GABRB3: variants seen among roughly 807,000 people sequenced by gnomAD.
GABRB3 encodes the protein gamma-aminobutyric acid receptor subunit beta-3.
GABRB3 carries 14 observed loss-of-function variants against 52.1 expected under a neutral mutation model. The observed-to-expected ratio is 0.27, with a 90% CI of 0.18 to 0.42. The LOEUF is 0.42. GABRB3 is among the 10% of genes least tolerant of loss of function. The probability of loss-of-function intolerance (pLI) is 1.00; values close to 1 mark genes in which losing one functional copy is unlikely to be tolerated. For synonymous variants in GABRB3, 260 were observed against 232.3 expected, an observed-to-expected ratio of 1.12 and a Z score of -1.08; for missense variants, 307 against 609.1, an observed-to-expected ratio of 0.50 and a Z score of 5.22.
intron 5 of GABRB3, chr15:26,580,658 T>C: frequency 4.1e-6 from 3 of 730,232 alleles, no homozygotes; most frequent in Non-Finnish European, 6.9e-6. Flanking sequence ...TTGTACCAGG[T>C]TGGTACTGAA....
At chr15:26,589,205 C>G (rs1220666682) in intron 4 of GABRB3, among the ~76,000 whole-genome samples, 1 of 152,210 alleles carries the variant, frequency 6.6e-6, no homozygotes, top group Non-Finnish European at 1.5e-5. Flanking sequence ...ATAATAAGGG[C>G]AGATGCAAAC....
At chr15:26,736,974 G>C (rs1015776954) in intron 3 of GABRB3, among the ~76,000 whole-genome samples, 2 of 152,214 alleles carry the variant, frequency 1.3e-5, no homozygotes, top group Non-Finnish European at 2.9e-5. Flanking sequence ...GCAAAGCACA[G>C]CCTTGTCCTT....
At chr15:26,686,462 T>C (rs1167628057) in intron 3 of GABRB3, among the ~76,000 whole-genome samples, 2 of 152,186 alleles carry the variant, frequency 1.3e-5, no homozygotes, top group Non-Finnish European at 2.9e-5. Flanking sequence ...TACTGATAAA[T>C]AACAGTATGA....
chr15:26,597,145 C>CTTAAAAAA (rs1202786027), intron 4 of GABRB3, among the ~76,000 whole-genome samples: 3 of 152,186 alleles, frequency 2.0e-5, no homozygotes, highest in Non-Finnish European at 4.4e-5. Flanking sequence ...GGCCCCACCT[C>CTTAAAAAA]TCCATGCTGC....
chr15:26,650,636 C>T (rs1887167490), intron 3 of GABRB3, among the ~76,000 whole-genome samples: 2 of 151,932 alleles, frequency 1.3e-5, no homozygotes, highest in Admixed American at 1.3e-4. Context: ...TGAGAACTTG[C>T]CTTCCTTCTG....
chr15:26,677,416 T>C (rs181879965), intron 3 of GABRB3, among the ~76,000 whole-genome samples: 1 of 152,312 alleles, frequency 6.6e-6, no homozygotes, highest in Admixed American at 6.5e-5. Flanking sequence ...TCACAGCCTT[T>C]CCTAAAAGCT....
intron 3 of GABRB3, among the ~76,000 whole-genome samples, chr15:26,681,474 C>T (rs1015032453): frequency 5.3e-5 from 8 of 152,180 alleles, no homozygotes; most frequent in Non-Finnish European, 2.9e-5. Flanking sequence ...TATGCAAAGT[C>T]AGAGCACCCA....
chr15:26,674,861 A>G (rs768448164), intron 3 of GABRB3, among the ~76,000 whole-genome samples: 2 of 152,238 alleles, frequency 1.3e-5, no homozygotes, highest in Non-Finnish European at 2.9e-5. Flanking sequence ...TACAGGATCA[A>G]CAGGACACTC....
intron 3 of GABRB3, among the ~76,000 whole-genome samples, chr15:26,637,325 C>CCCGCA (rs543737038): frequency 1.2e-3 from 185 of 152,278 alleles, no homozygotes; most frequent in Non-Finnish European, 1.9e-3. Context: ...ACAGTGGCAA[C>CCCGCA]CCGCACCCTC....
chr15:26,710,997 T>C (rs1230830489), intron 3 of GABRB3, among the ~76,000 whole-genome samples: 1 of 152,138 alleles, frequency 6.6e-6, no homozygotes, highest in Non-Finnish European at 1.5e-5. Context: ...GCACATACTA[T>C]GCCTCATGAG....
At chr15:26,763,607 T>TACACACACACACACACACAC (rs150301275) in intron 3 of GABRB3, among the ~76,000 whole-genome samples, 1,873 of 145,914 alleles carry the variant, frequency 0.013, 29 homozygotes, top group South Asian at 0.022. Flanking sequence ...TCTGCATAGA[T>TACACACACACACACACACAC]ACACACACAC....
In GABRB3 at chr15:26,670,124, C is replaced by G. The variant is rs145267270; in HGVS notation, c.241-48590G>C. ...CTGGGAGGAGACGCAAGAAGTCTCC[C>G]GGTGCGGGAGCCTACAGGGCTGAGC... On this transcript the variant is annotated intron_variant, in intron 3 of 8. Transcript: ENST00000311550. Among the ~76,000 whole-genome samples the G allele has an allele frequency of 2.7e-3, 417 of 152,314 alleles. 16 individuals carry two copies. The East Asian group carries it at 0.079, about 29-fold the overall frequency.
At chr15:26,722,109 T>A (rs1418228117) in intron 3 of GABRB3, among the ~76,000 whole-genome samples, 2 of 152,186 alleles carry the variant, frequency 1.3e-5, no homozygotes, top group African/African-American at 4.8e-5. Flanking sequence ...TTACCTCACC[T>A]AATTTCCTTC....
chr15:26,603,616 A>G (rs1447118073), intron 4 of GABRB3, among the ~76,000 whole-genome samples: 1 of 152,136 alleles, frequency 6.6e-6, no homozygotes, highest in Non-Finnish European at 1.5e-5. Context: ...AGGATGGTTC[A>G]ACATATGCAA....
At chr15:26,620,485 C>A (rs17117177) in intron 4 of GABRB3, among the ~76,000 whole-genome samples, 25,547 of 152,156 alleles carry the variant, frequency 0.17, 2,186 homozygotes, top group African/African-American at 0.22. Flanking sequence ...AAGCTATCCA[C>A]ATGTGTCCCA....
intron 3 of GABRB3, among the ~76,000 whole-genome samples, chr15:26,634,909 A>ATATC (rs1555372921): frequency 2.8e-4 from 15 of 52,828 alleles, no homozygotes; most frequent in Admixed American, 2.0e-3. Context: ...AATTATATAT[A>ATATC]TCTCTCTCCA....
At position 26,764,176 on chromosome 15, in the gene GABRB3, AAAAATATATATATATATATATATATATAT is replaced by A. The variant is rs1226304732; in HGVS notation, c.240+8197_240+8225del. Among the ~76,000 whole-genome samples the A allele has an allele frequency of 9.8e-4, 12 of 12,234 alleles. 2 individuals are homozygous for A. The South Asian group carries it at 0.013, about 13-fold the overall frequency. 8.0% of individuals were successfully genotyped at this position (12,234 alleles called of 152,430 possible). On this transcript the variant is annotated intron_variant, in intron 3 of 8. Coordinates refer to ENST00000311550, the MANE Select transcript of GABRB3 (RefSeq NM_000814.6). ...AAAAAAAAAAAAAAAAAAAAAAAAA[AAAAATATATATATATATATATATATATAT>A]ATATATATATATATATATATATATA...
At chr15:26,604,074 G>T (rs1009534795) in intron 4 of GABRB3, among the ~76,000 whole-genome samples, 1 of 152,032 alleles carries the variant, frequency 6.6e-6, no homozygotes, top group African/African-American at 2.4e-5. Context: ...CAGTAAAGTT[G>T]CAGGATACAA....
chr15:26,670,525 C>A (rs1365734631), intron 3 of GABRB3, among the ~76,000 whole-genome samples: 1 of 152,162 alleles, frequency 6.6e-6, no homozygotes, highest in African/African-American at 2.4e-5. Context: ...AGCCCAGGCC[C>A]GTGCCGACCG....
Sources: gnomAD v4.1 joint callset for allele counts (sites outside exome capture counted in the v4.1 genomes callset) on GRCh38, gnomAD v4.1.1 for gene constraint, MANE v1.5 for transcripts, NCBI Gene and HGNC (gene_info 2026-07-23, HGNC 2026-07-21) for gene names.